Variants in MAP2K6 observed in about 807,000 individuals in gnomAD.
MAP2K6 encodes the protein dual specificity mitogen-activated protein kinase kinase 6.
In MAP2K6, 16 loss-of-function variants were observed where a neutral mutation model predicts 53.7. That is an observed-to-expected ratio of 0.30 (90% confidence interval 0.20 to 0.45). The LOEUF (loss-of-function observed/expected upper bound fraction) is 0.45. Ranked by LOEUF, MAP2K6 falls within the 20% of genes least tolerant of loss-of-function variation. The pLI is 1.00. For missense variants in MAP2K6, 204 were observed against 411.9 expected, an observed-to-expected ratio of 0.50 and a Z score of 4.37; for synonymous variants, 132 against 143.1, an observed-to-expected ratio of 0.92 and a Z score of 0.55.
intron 2 of MAP2K6, among the ~76,000 whole-genome samples, chr17:69,511,598 A>C (rs1228447677): frequency 1.3e-5 from 2 of 152,202 alleles, no homozygotes; most frequent in African/African-American, 4.8e-5. Context: ...CCACCACAAG[A>C]AACTCAGAGG....
At chr17:69,534,510 C>A (rs911800812) in intron 10 of MAP2K6, among the ~76,000 whole-genome samples, 7 of 151,926 alleles carry the variant, frequency 4.6e-5, no homozygotes, top group African/African-American at 1.7e-4. Context: ...TTGCCTGGAA[C>A]AAACTGGTAG....
chr17:69,438,726 C>G (rs1345486643), intron 1 of MAP2K6, among the ~76,000 whole-genome samples: 1 of 152,134 alleles, frequency 6.6e-6, no homozygotes, highest in African/African-American at 2.4e-5. Context: ...ACTACAGGTG[C>G]ACCACCACAC....
chr17:69,414,859 A>G lies in MAP2K6; in HGVS notation c.-126A>G. The stretch of plus-strand genomic sequence containing the variant: ...TGAAAGTCCATCTGCTGCATCGGTC[A>G]AGAGAAACTCCACTTGCATGAAGAT... On this transcript the variant is annotated 5_prime_UTR_variant, in exon 1 of 12. Coordinates refer to ENST00000590474, the MANE Select transcript of MAP2K6 (RefSeq NM_002758.4). 2 of 819,720 alleles carry G rather than the reference A, an allele frequency of 2.4e-6. No homozygotes were observed. The highest frequency in any genetic ancestry group is 2.1e-5 in the Admixed American group (1 of 46,520). 50.8% of individuals were successfully genotyped at this position (819,720 alleles called of 1,614,324 possible). A position where few individuals can be genotyped will look rare whatever the true frequency, so the allele number is the denominator to read the frequency against.
chr17:69,528,567 A>G (rs1045091293), intron 10 of MAP2K6, among the ~76,000 whole-genome samples: 1 of 152,032 alleles, frequency 6.6e-6, no homozygotes, highest in African/African-American at 2.4e-5. Context: ...CATCAAAAAA[A>G]GGGATGAGGG....
At chr17:69,528,065 C>T (rs146024402) in intron 10 of MAP2K6, among the ~76,000 whole-genome samples, 4,434 of 137,466 alleles carry the variant, frequency 0.032, 179 homozygotes, top group African/African-American at 0.1. Flanking sequence ...GCCGAGATCA[C>T]GCCATTGCAC....
intron 1 of MAP2K6, among the ~76,000 whole-genome samples, chr17:69,442,843 A>G (rs1428164615): frequency 2.0e-5 from 3 of 152,256 alleles, no homozygotes; most frequent in Non-Finnish European, 4.4e-5. Flanking sequence ...GGATGATGAT[A>G]ATAGCAACTG....
chr17:69,451,606 G>T (rs1426256450), intron 1 of MAP2K6, among the ~76,000 whole-genome samples: 1 of 152,146 alleles, frequency 6.6e-6, no homozygotes, highest in Non-Finnish European at 1.5e-5. Flanking sequence ...GCATTTGAGG[G>T]GACGCTAACA....
At chr17:69,512,036 A>C (rs1448533275) in intron 2 of MAP2K6, among the ~76,000 whole-genome samples, 1 of 152,176 alleles carries the variant, frequency 6.6e-6, no homozygotes, top group East Asian at 1.9e-4. Flanking sequence ...TGAGGATTAG[A>C]TGTCATAATC....
At chr17:69,447,901 C>T (rs563974173) in intron 1 of MAP2K6, among the ~76,000 whole-genome samples, 1 of 152,104 alleles carries the variant, frequency 6.6e-6, no homozygotes, top group African/African-American at 2.4e-5. Flanking sequence ...GGGCTGAGTC[C>T]AGGGGAGTGC....
At chr17:69,456,562 G>A (rs1907416968) in intron 1 of MAP2K6, among the ~76,000 whole-genome samples, 1 of 152,180 alleles carries the variant, frequency 6.6e-6, no homozygotes, top group Non-Finnish European at 1.5e-5. Context: ...ATTGGAGGGT[G>A]AGGTGTTGTT....
At chr17:69,436,033 AC>A (rs1398421792) in intron 1 of MAP2K6, among the ~76,000 whole-genome samples, 2 of 150,682 alleles carry the variant, frequency 1.3e-5, no homozygotes, top group Non-Finnish European at 3.0e-5. Flanking sequence ...AAAAAAAAAA[AC>A]AAATGTGCTG....
chr17:69,504,190 A>G (rs773256538), intron 1 of MAP2K6, among the ~76,000 whole-genome samples: 4 of 152,088 alleles, frequency 2.6e-5, no homozygotes, highest in Non-Finnish European at 5.9e-5. Flanking sequence ...TTCAGGATCT[A>G]TCCAGGGCCA....
At position 69,547,123 on chromosome 17, in the gene MAP2K6, G is replaced by A. The variant is rs1911909565; in HGVS notation, c.*5370G>A. On this transcript the variant is annotated 3_prime_UTR_variant, in exon 12 of 12. Transcript: ENST00000590474. ...GTACTATGGATTCTTTTGGGAATTT[G>A]TTGAAAGCTAGGACCTTTTCCCCAG... is the stretch of plus-strand genomic sequence containing the variant. 1 of 151,680 alleles carries A rather than the reference G, an allele frequency of 6.6e-6. No individual in the cohort carries two copies. The highest frequency in any genetic ancestry group is 6.6e-5 in the Admixed American group (1 of 15,212). The allele number at this position is 151,680 out of a possible 1,614,324, so 9.4% of individuals were successfully genotyped here.
intron 1 of MAP2K6, among the ~76,000 whole-genome samples, chr17:69,463,668 A>G (rs761239826): frequency 5.9e-5 from 9 of 151,704 alleles, no homozygotes; most frequent in Non-Finnish European, 1.0e-4. Context: ...ACATACATAT[A>G]TGTATATACA....
At chr17:69,467,354 C>A (rs1406700802) in intron 1 of MAP2K6, among the ~76,000 whole-genome samples, 1 of 152,212 alleles carries the variant, frequency 6.6e-6, no homozygotes, top group Non-Finnish European at 1.5e-5. Context: ...CTGCTCTGCT[C>A]TGCAGGGAGC....
chr17:69,505,896 T>C, intron 2 of MAP2K6, 50 bp downstream of exon 2: 3 of 1,524,266 alleles, frequency 2.0e-6, no homozygotes, highest in Non-Finnish European at 2.7e-6. Flanking sequence ...GCTTTCAGAT[T>C]CCTCCTGGGG....
At chr17:69,486,423 T>C (rs1908539367) in intron 1 of MAP2K6, among the ~76,000 whole-genome samples, 1 of 152,212 alleles carries the variant, frequency 6.6e-6, no homozygotes, top group African/African-American at 2.4e-5. Context: ...ACTTTGAATG[T>C]TAAGGTTTCT....
At chr17:69,485,340 C>A in intron 1 of MAP2K6, 1 of 243,134 alleles carries the variant, frequency 4.1e-6, no homozygotes, top group Non-Finnish European at 6.6e-6. Context: ...AACTTTGGAA[C>A]GGAGGAGGCC....
At position 69,549,621 on chromosome 17, in the gene MAP2K6, G is replaced by A. The variant is rs1431506211; in HGVS notation, c.*7868G>A. 6.6e-6 allele frequency: 1 copy of A among 152,116 alleles called. No homozygotes were observed. The highest frequency in any genetic ancestry group is 1.5e-5 in the Non-Finnish European group (1 of 68,010). 9.4% of individuals were successfully genotyped at this position (152,116 alleles called of 1,614,324 possible). A position where few individuals can be genotyped will look rare whatever the true frequency, so the allele number is the denominator to read the frequency against. On this transcript the variant is annotated 3_prime_UTR_variant, in exon 12 of 12. Transcript: ENST00000590474. ...TTGTTTCCAGTTCTTAAAAATTTAA[G>A]GGCTATCTAAGAAAAGTTTAAGCAA...
Sources: allele counts gnomAD v4.1 joint callset (sites outside exome capture counted in the v4.1 genomes callset), GRCh38; gene constraint gnomAD v4.1.1; transcripts MANE v1.5; gene names NCBI Gene and HGNC (gene_info 2026-07-23, HGNC 2026-07-21).